The following RNF150 variants were observed in gnomAD, a reference collection of about 807,000 sequenced individuals.
RNF150 encodes ring finger protein 150.
A neutral mutation model predicts 39.3 loss-of-function variants in RNF150; 24 were observed. The ratio of observed to expected loss-of-function variants is 0.61; its 90% CI spans 0.44 to 0.86. The LOEUF (loss-of-function observed/expected upper bound fraction) is 0.86, where lower values mean the gene tolerates loss of function less well. RNF150 is among the 40% of genes least tolerant of loss of function. The pLI, the probability that RNF150 is intolerant of heterozygous loss-of-function variation, is 0.00. For missense variants in RNF150, 502 were observed against 587.8 expected, an observed-to-expected ratio of 0.85 and a Z score of 1.51; for synonymous variants, 255 against 227.3, an observed-to-expected ratio of 1.12 and a Z score of -1.10.
chr4:141,086,783 T>C (rs972793370), intron 1 of RNF150, among the ~76,000 whole-genome samples: 1 of 151,650 alleles, frequency 6.6e-6, no homozygotes, highest in Non-Finnish European at 1.5e-5. Context: ...TAAACTACCA[T>C]ATTTATTTTA....
chr4:140,861,537 C>G lies in RNF150; in HGVS notation c.*6724G>C, dbSNP rs879409402. ...TCTGCTGCAAGAATAATTGCGATTACTCCAGCAGAGGGCACTCTGCTCCTT... is the reference window on the plus strand; with the variant it reads ...TCTGCTGCAAGAATAATTGCGATTAGTCCAGCAGAGGGCACTCTGCTCCTT... On this transcript the variant is annotated 3_prime_UTR_variant, in exon 7 of 7. Transcript: ENST00000515673. 1 of 152,212 alleles carries G rather than the reference C, an allele frequency of 6.6e-6. No individual in the cohort carries two copies. The highest frequency in any genetic ancestry group is 1.5e-5 in the Non-Finnish European group (1 of 68,024). 9.4% of individuals were successfully genotyped at this position (152,212 alleles called of 1,614,324 possible).
At chr4:140,882,457 A>G (rs2111207105) in intron 6 of RNF150, among the ~76,000 whole-genome samples, 1 of 152,248 alleles carries the variant, frequency 6.6e-6, no homozygotes, top group Admixed American at 6.5e-5. Context: ...ACTGATCTAT[A>G]GTGTTGCTCT....
intron 1 of RNF150, among the ~76,000 whole-genome samples, chr4:141,170,206 A>G (rs1727686499): frequency 6.6e-6 from 1 of 152,202 alleles, no homozygotes; most frequent in Non-Finnish European, 1.5e-5. Flanking sequence ...CCATTATTAT[A>G]AATATTTGTA....
rs548605906 is a variant in RNF150, at chr4:140,887,439, C to T, written c.1199-19060G>A. ...ACTGAGAATATGTTTTATTCTTTCCCCACTAAGCTTTCTGGGCTCCTTCTT... is the reference window on the plus strand; with the variant it reads ...ACTGAGAATATGTTTTATTCTTTCCTCACTAAGCTTTCTGGGCTCCTTCTT... On this transcript the variant is annotated intron_variant, in intron 6 of 6. Coordinates refer to ENST00000515673, the MANE Select transcript of RNF150 (RefSeq NM_020724.2). Among the ~76,000 whole-genome samples the T allele has an allele frequency of 3.3e-5, 5 of 152,288 alleles. No homozygotes were observed. In the South Asian group the frequency reaches 1.0e-3, roughly 32 times the overall value.
intron 1 of RNF150, among the ~76,000 whole-genome samples, chr4:140,973,408 A>C (rs574543893): frequency 6.6e-6 from 1 of 152,178 alleles, no homozygotes; most frequent in Non-Finnish European, 1.5e-5. Context: ...TTTTATCTTT[A>C]ATTCTGAAAC....
chr4:141,066,776 C>T (rs1737477998), intron 1 of RNF150, among the ~76,000 whole-genome samples: 1 of 151,936 alleles, frequency 6.6e-6, no homozygotes, highest in Admixed American at 6.6e-5. Context: ...GAAAATATAC[C>T]ATGTATGTTT....
intron 1 of RNF150, among the ~76,000 whole-genome samples, chr4:141,035,010 T>A: frequency 6.6e-6 from 1 of 152,210 alleles, no homozygotes; most frequent in East Asian, 1.9e-4. Context: ...CCACAAACTT[T>A]CAATTTGTAA....
Position 141,132,414 on chromosome 4 carries a change from A to G in RNF150, c.395T>C (p.Ile132Thr), listed in dbSNP as rs1726919133. 1 of 1,609,318 alleles carries G rather than the reference A, an allele frequency of 6.2e-7. No individual in the cohort carries two copies. The highest frequency in any genetic ancestry group is 1.3e-5 in the African/African-American group (1 of 74,888). ...PKGNCTYRDK[I>T]RNAFLQNASA... is the part of the protein sequence containing the mutation. ...GGCGTTCTGCAGGAACGCGTTCCGGATCTTATCCCTGTACGTGCAGTTGCC... is the reference window on the plus strand; with the variant it reads ...GGCGTTCTGCAGGAACGCGTTCCGGGTCTTATCCCTGTACGTGCAGTTGCC... Residue 132 changes from isoleucine to threonine, a missense_variant, in exon 1 of 7, where the codon ATC becomes ACC. Coordinates refer to ENST00000515673, the MANE Select transcript of RNF150 (RefSeq NM_020724.2). The surrounding 1 kb of genome is among the most constrained non-coding windows in gnomAD (Gnocchi z 4.9).
chr4:141,105,106 AC>A (rs1739154201), intron 1 of RNF150, among the ~76,000 whole-genome samples: 1 of 152,174 alleles, frequency 6.6e-6, no homozygotes, highest in Non-Finnish European at 1.5e-5. Context: ...TATACAACCA[AC>A]CATTCACAAA....
At position 141,017,212 on chromosome 4, in the gene RNF150, A is replaced by G. The variant is rs76139815; in HGVS notation, c.485-49339T>C. ...AAAATACCTCACGTGGAATTTGTCA[A>G]CTTTCTCAAAAACCAGCTGCTTTTC... On this transcript the variant is annotated intron_variant, in intron 1 of 6. Coordinates refer to ENST00000515673, the MANE Select transcript of RNF150 (RefSeq NM_020724.2). 4.6e-3 allele frequency among the ~76,000 whole-genome samples: 699 copies of G among 152,246 alleles called. 4 individuals are homozygous for G. The highest frequency in any genetic ancestry group is 0.016 in the African/African-American group (662 of 41,550).
rs144528964 is a variant in RNF150, at chr4:141,101,111, C to T, written c.484+31214G>A. 2.7e-3 allele frequency among the ~76,000 whole-genome samples: 408 copies of T among 152,234 alleles called. 1 individual carries two copies. Among genetic ancestry groups the T allele is most frequent in the African/African-American group, 9.6e-3 (397 of 41,538 alleles). ...TTATAAACACTATATACTCAGGCTA[C>T]ACTAAATTTATTTTAAAATTATTCT... On this transcript the variant is annotated intron_variant, in intron 1 of 6. Transcript: ENST00000515673.
At chr4:140,960,065 T>C (rs568637866) in intron 2 of RNF150, among the ~76,000 whole-genome samples, 2 of 152,282 alleles carry the variant, frequency 1.3e-5, no homozygotes, top group East Asian at 3.9e-4. Context: ...TCTGCTTCAA[T>C]ATCTAAAAGG....
chr4:141,186,510 T>G (rs1233458082), intron 1 of RNF150, among the ~76,000 whole-genome samples: 1 of 152,126 alleles, frequency 6.6e-6, no homozygotes, highest in Non-Finnish European at 1.5e-5. Flanking sequence ...GCCATTCTCC[T>G]GCCTCAGCCT....
chr4:140,916,569 G>T (rs1252033202), intron 5 of RNF150, among the ~76,000 whole-genome samples: 1 of 152,174 alleles, frequency 6.6e-6, no homozygotes, highest in African/African-American at 2.4e-5. Context: ...CGTCTAATTG[G>T]TGTACCTGAA....
intron 1 of RNF150, among the ~76,000 whole-genome samples, chr4:141,046,888 G>T (rs1407562673): frequency 2.6e-5 from 4 of 152,016 alleles, no homozygotes; most frequent in South Asian, 2.1e-4. Context: ...ACATTTTGGG[G>T]GTCCATCATT....
At chr4:141,096,571 G>T (rs1014691089) in intron 1 of RNF150, among the ~76,000 whole-genome samples, 2 of 152,104 alleles carry the variant, frequency 1.3e-5, no homozygotes, top group Admixed American at 6.5e-5. Flanking sequence ...TTTTCAAAGT[G>T]CCTCCGAAGG....
chr4:141,002,267 A>G (rs1734693145), intron 1 of RNF150, among the ~76,000 whole-genome samples: 1 of 152,052 alleles, frequency 6.6e-6, no homozygotes, highest in Non-Finnish European at 1.5e-5. Flanking sequence ...TTACTTGCAA[A>G]GTAGTATGTT....
At chr4:140,872,266 T>C (rs1370087403) in intron 6 of RNF150, among the ~76,000 whole-genome samples, 3 of 152,352 alleles carry the variant, frequency 2.0e-5, no homozygotes, top group South Asian at 4.1e-4. Flanking sequence ...TTTGCCTCCT[T>C]CTCTGCAAAA....
rs1222059627 is a variant in RNF150, at chr4:140,956,928, A to G, written c.736-7556T>C. Among the ~76,000 whole-genome samples the G allele has an allele frequency of 1.1e-4, 17 of 151,154 alleles. No individual in the cohort carries two copies. The East Asian group carries it at 2.1e-3, about 19-fold the overall frequency. ...TTCAAGATGGATTAAAGACTTAAAC[A>G]TTAGACCTAAAACCATAAAAACCCT... On this transcript the variant is annotated intron_variant, in intron 2 of 6. Coordinates refer to ENST00000515673, the MANE Select transcript of RNF150 (RefSeq NM_020724.2).
Sources: gnomAD v4.1 joint callset for allele counts (sites outside exome capture counted in the v4.1 genomes callset) on GRCh38, gnomAD v4.1.1 for gene constraint, Gnocchi (gnomAD v3.1) non-coding constraint, MANE v1.5 for transcripts, NCBI Gene and HGNC (gene_info 2026-07-23, HGNC 2026-07-21) for gene names.